Variants in EXOC4 observed in about 807,000 individuals in gnomAD.
EXOC4 encodes SEC8-like 1.
EXOC4 carries 71 observed loss-of-function variants against 107.2 expected under a neutral mutation model. The ratio of observed to expected loss-of-function variants is 0.66; its 90% CI spans 0.55 to 0.81. The LOEUF (loss-of-function observed/expected upper bound fraction) is 0.81. Among genes scored for constraint, EXOC4 ranks in the 30% least tolerant of loss-of-function variants. The pLI is 0.00. For synonymous variants in EXOC4, 456 were observed against 441.2 expected (o/e 1.03, Z -0.42); for missense variants, 1,108 against 1,189.6 (o/e 0.93, Z 1.01).
At chr7:133,797,088 G>A (rs1796832986) in intron 10 of EXOC4, among the ~76,000 whole-genome samples, 1 of 152,146 alleles carries the variant, frequency 6.6e-6, no homozygotes, top group Admixed American at 6.5e-5. Flanking sequence ...CAGAATGCAT[G>A]GGCTTTGAAA....
chr7:133,813,092 T>C (rs899850108), intron 10 of EXOC4, among the ~76,000 whole-genome samples: 1 of 152,178 alleles, frequency 6.6e-6, no homozygotes, highest in African/African-American at 2.4e-5. Context: ...GCTGACAACG[T>C]CAACCTGTAT....
chr7:133,414,909 G>T (rs1797440186), intron 7 of EXOC4, among the ~76,000 whole-genome samples: 1 of 151,966 alleles, frequency 6.6e-6, no homozygotes, highest in South Asian at 2.1e-4. Flanking sequence ...CGTTCTCTTA[G>T]CCATCAGCCC....
chr7:133,312,534 A>T (rs1225955736), intron 4 of EXOC4, among the ~76,000 whole-genome samples: 6 of 152,118 alleles, frequency 3.9e-5, no homozygotes, highest in Admixed American at 3.9e-4. Flanking sequence ...ATTACTGATG[A>T]TCCTTTTGAA....
At chr7:133,335,273 A>C (rs375389960) in intron 5 of EXOC4, among the ~76,000 whole-genome samples, 2 of 152,156 alleles carry the variant, frequency 1.3e-5, no homozygotes, top group African/African-American at 4.8e-5. Context: ...AGTGGTGTTA[A>C]GTATATTCAC....
In EXOC4 at chr7:133,633,345, A is replaced by G. The variant is rs539603853; in HGVS notation, c.1514+3204A>G. 2.6e-5 allele frequency among the ~76,000 whole-genome samples: 4 copies of G among 152,210 alleles called. No individual in the cohort carries two copies. The South Asian group carries it at 8.3e-4, about 32-fold the overall frequency. ...TACTTGTTATCAACTGACTCATATT[A>G]TTTTTCTGTCCCAATTTGCCAAACT... On this transcript the variant is annotated intron_variant, in intron 10 of 17. Coordinates refer to ENST00000253861, the MANE Select transcript of EXOC4 (RefSeq NM_021807.4).
intron 9 of EXOC4, among the ~76,000 whole-genome samples, chr7:133,546,280 G>T (rs1800480643): frequency 8.5e-6 from 1 of 117,482 alleles, no homozygotes; most frequent in Non-Finnish European, 1.7e-5. Context: ...TTTCCGAGAT[G>T]GAGTCTTGCT....
intron 9 of EXOC4, among the ~76,000 whole-genome samples, chr7:133,611,784 T>C (rs1023538518): frequency 6.6e-6 from 1 of 152,184 alleles, no homozygotes; most frequent in African/African-American, 2.4e-5. Context: ...AATTAGCCCC[T>C]AATAGATATT....
At chr7:133,471,710 C>CT (rs1798884005) in intron 7 of EXOC4, among the ~76,000 whole-genome samples, 1 of 151,842 alleles carries the variant, frequency 6.6e-6, no homozygotes. Flanking sequence ...CTTCTTTATG[C>CT]TTTTTTTAAA....
chr7:133,466,895 T>G (rs1310192997), intron 7 of EXOC4, among the ~76,000 whole-genome samples: 1 of 152,132 alleles, frequency 6.6e-6, no homozygotes, highest in Non-Finnish European at 1.5e-5. Flanking sequence ...TCAATAGATA[T>G]AGAAAAGCAC....
At chr7:133,384,471 C>T (rs1215503655) in intron 7 of EXOC4, among the ~76,000 whole-genome samples, 2 of 152,094 alleles carry the variant, frequency 1.3e-5, no homozygotes, top group East Asian at 1.9e-4. Context: ...TGCTACCGCT[C>T]CTTTAAGTGT....
the EXOC4 span, among the ~76,000 whole-genome samples, chr7:134,071,963 C>G: frequency 1.3e-5 from 2 of 152,200 alleles, no homozygotes; most frequent in Non-Finnish European, 2.9e-5. Context: ...CCAGCAGGAA[C>G]CATTTCTGGA....
intron 7 of EXOC4, among the ~76,000 whole-genome samples, chr7:133,427,824 C>G (rs1032097264): frequency 6.6e-6 from 1 of 152,086 alleles, no homozygotes; most frequent in Admixed American, 6.5e-5. Flanking sequence ...ATTGTTCTTC[C>G]TTTCAGTTTG....
At chr7:133,772,220 G>C (rs1164509680) in intron 10 of EXOC4, among the ~76,000 whole-genome samples, 1 of 151,924 alleles carries the variant, frequency 6.6e-6, no homozygotes, top group African/African-American at 2.4e-5. Flanking sequence ...TTCCAGGCTG[G>C]TCTGGGCATG....
intron 9 of EXOC4, among the ~76,000 whole-genome samples, chr7:133,538,388 T>G (rs1383618974): frequency 1.3e-5 from 2 of 152,194 alleles, no homozygotes; most frequent in Non-Finnish European, 2.9e-5. Flanking sequence ...ATCTCCTTTC[T>G]GGTTCTTAAA....
At chr7:133,313,187 C>T (rs1212138251) in intron 4 of EXOC4, among the ~76,000 whole-genome samples, 1 of 146,506 alleles carries the variant, frequency 6.8e-6, no homozygotes, top group Non-Finnish European at 1.5e-5. Flanking sequence ...AATTTTTAGC[C>T]TCACTTTATT....
intron 1 of EXOC4, among the ~76,000 whole-genome samples, chr7:133,263,044 C>T (rs1795188690): frequency 1.3e-5 from 2 of 152,158 alleles, no homozygotes; most frequent in Non-Finnish European, 2.9e-5. Flanking sequence ...TCTCTCTTGC[C>T]TGCTGCCATG....
chr7:133,902,165 T>A (rs1295446680), intron 12 of EXOC4, among the ~76,000 whole-genome samples: 2 of 152,250 alleles, frequency 1.3e-5, no homozygotes, highest in Non-Finnish European at 2.9e-5. Context: ...TAATTTACGT[T>A]GCTTTTCTTT....
chr7:133,598,934 A>G (rs1801744306), intron 9 of EXOC4, among the ~76,000 whole-genome samples: 3 of 152,170 alleles, frequency 2.0e-5, no homozygotes, highest in South Asian at 4.1e-4. Context: ...CAGTGAGCCA[A>G]GATCGCGCCA....
At chr7:134,062,911 A>T (rs1343719250) in intron 17 of EXOC4, among the ~76,000 whole-genome samples, 1 of 152,244 alleles carries the variant, frequency 6.6e-6, no homozygotes, top group African/African-American at 2.4e-5. Flanking sequence ...CCACCAAAGG[A>T]CAGAGCCAGG....
Sources: allele counts gnomAD v4.1 joint callset (sites outside exome capture counted in the v4.1 genomes callset), GRCh38; gene constraint gnomAD v4.1.1; transcripts MANE v1.5; gene names NCBI Gene and HGNC (gene_info 2026-07-23, HGNC 2026-07-21).